Variants in PRH1 observed in about 807,000 individuals in gnomAD.
The protein encoded by PRH1 is salivary acidic proline-rich phosphoprotein 1/2.
Under a neutral mutation model 7.9 loss-of-function variants are expected in PRH1, and 7 were observed. The observed-to-expected ratio is 0.89, with a 90% CI of 0.50 to 1.67. The LOEUF (loss-of-function observed/expected upper bound fraction) is 1.67. PRH1 is among the 40% of genes most tolerant of loss of function. The pLI, the probability that PRH1 is intolerant of heterozygous loss-of-function variation, is 0.00. For synonymous variants in PRH1, 45 were observed against 80.8 expected (o/e 0.56, Z 2.38); for missense variants, 109 against 223.6 (o/e 0.49, Z 3.27).
intron 1 of PRH1, among the ~76,000 whole-genome samples, chr12:11,069,603 G>C (rs1943976070): frequency 1.3e-5 from 2 of 151,756 alleles, no homozygotes; most frequent in Admixed American, 1.3e-4. Context: ...ACTAACCTTG[G>C]CAACATAGAC....
intron 1 of PRH1, among the ~76,000 whole-genome samples, chr12:11,113,864 C>T (rs1945658264): frequency 6.6e-6 from 1 of 152,064 alleles, no homozygotes; most frequent in Non-Finnish European, 1.5e-5. Context: ...AGACACTTCT[C>T]AAAAGAAGAC....
chr12:10,949,520 A>G (rs1352151809), intron 2 of PRH1, among the ~76,000 whole-genome samples: 1 of 152,238 alleles, frequency 6.6e-6, no homozygotes, highest in Non-Finnish European at 1.5e-5. Flanking sequence ...AGAAAAGCTT[A>G]TAATTTTAAC....
At chr12:11,050,960 A>T (rs1217235114), upstream of PRH1, among the ~76,000 whole-genome samples, 2 of 152,290 alleles carry the variant, frequency 1.3e-5, no homozygotes, top group African/African-American at 4.8e-5. Flanking sequence ...CAGCCAAAGT[A>T]GCTTCAAGAT....
intron 1 of PRH1, among the ~76,000 whole-genome samples, chr12:11,052,566 C>G (rs1010425830): frequency 6.6e-6 from 1 of 152,028 alleles, no homozygotes; most frequent in Non-Finnish European, 1.5e-5. Flanking sequence ...GGAAAAATCC[C>G]TGCAACATTT....
At chr12:10,946,879 T>A (rs1424042195) in intron 2 of PRH1, among the ~76,000 whole-genome samples, 2 of 152,056 alleles carry the variant, frequency 1.3e-5, no homozygotes. Flanking sequence ...GATTTCAGAC[T>A]TAAATTTATC....
At chr12:11,155,338 CTTTTCTCACT>C (rs1947219957) in intron 1 of PRH1, among the ~76,000 whole-genome samples, 1 of 152,122 alleles carries the variant, frequency 6.6e-6, no homozygotes, top group Non-Finnish European at 1.5e-5. Context: ...TTAGGTGTAG[CTTTTCTCACT>C]TGAAAACCAG....
intron 1 of PRH1, among the ~76,000 whole-genome samples, chr12:11,062,764 A>C (rs1943667101): frequency 6.6e-6 from 1 of 152,132 alleles, no homozygotes; most frequent in Admixed American, 6.6e-5. Flanking sequence ...TCTTAAAAGG[A>C]GCTTGGTCAT....
At chr12:11,037,046 T>C (rs529302509) in intron 1 of PRH1, among the ~76,000 whole-genome samples, 1 of 152,330 alleles carries the variant, frequency 6.6e-6, no homozygotes, top group South Asian at 2.1e-4. Flanking sequence ...AACCAACATA[T>C]TTTCAACGAT....
chr12:11,053,906 C>T lies in PRH1; in HGVS notation n.124-6718G>A, dbSNP rs145063228. On this transcript the variant is annotated intron_variant and non_coding_transcript_variant, in intron 1 of 4. Transcript: ENST00000541977. ...CACAATCTCAGCTAACTGCAACCTC[C>T]GCCTCCAAGGTTCAATTGATTCTCC... 9.8e-3 allele frequency among the ~76,000 whole-genome samples: 1,497 copies of T among 152,194 alleles called. 24 individuals carry two copies. Among genetic ancestry groups the T allele is most frequent in the African/African-American group, 0.032 (1,344 of 41,514 alleles).
At chr12:10,993,583 T>C (rs1213577993) in intron 1 of PRH1, among the ~76,000 whole-genome samples, 6 of 152,182 alleles carry the variant, frequency 3.9e-5, no homozygotes, top group African/African-American at 1.4e-4. Flanking sequence ...TTGCTCTCTA[T>C]ACATCTATTT....
chr12:10,927,966 A>G (rs1322100235), intron 2 of PRH1, among the ~76,000 whole-genome samples: 1 of 152,248 alleles, frequency 6.6e-6, no homozygotes, highest in African/African-American at 2.4e-5. Flanking sequence ...GATTTTTCAG[A>G]AACTTAATAG....
exon 2 of PRH1, chr12:10,973,713 C>T (rs1938944339): frequency 1.3e-6 from 1 of 780,068 alleles, no homozygotes; most frequent in Non-Finnish European, 2.4e-6. Flanking sequence ...AAATATTCTT[C>T]TGCAGCAGCT....
At chr12:11,030,176 CA>C (rs1942115620) in intron 1 of PRH1, among the ~76,000 whole-genome samples, 1 of 150,392 alleles carries the variant, frequency 6.6e-6, no homozygotes, top group Non-Finnish European at 1.5e-5. Context: ...ATGAAAAAAA[CA>C]GAAAAGAGCA....
At chr12:11,112,502 T>G (rs1945618000) in intron 1 of PRH1, among the ~76,000 whole-genome samples, 1 of 151,680 alleles carries the variant, frequency 6.6e-6, no homozygotes, top group South Asian at 2.1e-4. Flanking sequence ...GTTCAACATA[T>G]GCAAATCAAT....
At chr12:11,104,271 C>T (rs192558731) in intron 1 of PRH1, among the ~76,000 whole-genome samples, 29 of 151,328 alleles carry the variant, frequency 1.9e-4, no homozygotes, top group Admixed American at 8.5e-4. Context: ...ATATTTTCCT[C>T]CCTTCTGACT....
chr12:11,029,327 G>A (rs1942068592), intron 1 of PRH1, among the ~76,000 whole-genome samples: 1 of 127,194 alleles, frequency 7.9e-6, no homozygotes, highest in Non-Finnish European at 1.8e-5. Context: ...ACAACGTTAA[G>A]GCTCATCTCA....
intron 1 of PRH1, among the ~76,000 whole-genome samples, chr12:11,151,541 C>A (rs1947083490): frequency 6.6e-6 from 1 of 152,166 alleles, no homozygotes; most frequent in Non-Finnish European, 1.5e-5. Context: ...TGACAGCCAG[C>A]TAAATATGTC....
chr12:11,064,490 G>A (rs1943732103), intron 1 of PRH1, among the ~76,000 whole-genome samples: 1 of 151,888 alleles, frequency 6.6e-6, no homozygotes, highest in Non-Finnish European at 1.5e-5. Flanking sequence ...TATATCATTT[G>A]ATGCAATTCC....
upstream of PRH1, among the ~76,000 whole-genome samples, chr12:11,049,623 C>T (rs1460931040): frequency 3.3e-5 from 5 of 151,942 alleles, no homozygotes; most frequent in Non-Finnish European, 7.4e-5. Context: ...AATTGTTGTC[C>T]TTGCTAACCT....
Sources: gnomAD v4.1 joint callset for allele counts (sites outside exome capture counted in the v4.1 genomes callset) on GRCh38, gnomAD v4.1.1 for gene constraint, MANE v1.5 for transcripts, NCBI Gene and HGNC (gene_info 2026-07-23, HGNC 2026-07-21) for gene names.